Variants in GLB1L2 observed in about 807,000 individuals in gnomAD.
GLB1L2 encodes galactosidase beta 1 like 2.
In GLB1L2, 68 loss-of-function variants were observed where a neutral mutation model predicts 84.1. That is an observed-to-expected ratio of 0.81 (90% CI 0.67 to 0.99). GLB1L2 has a LOEUF of 0.99. Ranked by LOEUF, GLB1L2 falls within the 50% of genes least tolerant of loss-of-function variation. GLB1L2 has a pLI of 0.00. For synonymous variants in GLB1L2, 290 were observed against 318.0 expected, an observed-to-expected ratio of 0.91 and a Z score of 0.94; for missense variants, 762 against 805.6, an observed-to-expected ratio of 0.95 and a Z score of 0.66.
Position 134,347,198 on chromosome 11 carries a change from G to A in GLB1L2, c.450-127G>A, listed in dbSNP as rs537941378. 2.4e-5 allele frequency: 18 copies of A among 747,534 alleles called. No individual in the cohort carries two copies. The East Asian group carries it at 4.2e-4, about 18-fold the overall frequency. 46.3% of individuals were successfully genotyped at this position (747,534 alleles called of 1,614,324 possible). On this transcript the variant is annotated intron_variant, in intron 4 of 18. Coordinates refer to ENST00000535456, the MANE Select transcript of GLB1L2 (RefSeq NM_001370461.1). ...TGTCTCCCCACTTCTGGGCTCAGTG[G>A]GGTGGAGGAGGGCACAGGTCATTCT...
At chr11:134,362,339 T>C (rs1351174799) in intron 7 of GLB1L2, among the ~76,000 whole-genome samples, 2 of 110,450 alleles carry the variant, frequency 1.8e-5, no homozygotes, top group East Asian at 2.2e-4. Context: ...CTGCCCGCGT[T>C]CCTTCCCCGG....
chr11:134,350,182 C>T (rs552895984), intron 5 of GLB1L2, among the ~76,000 whole-genome samples: 2 of 152,318 alleles, frequency 1.3e-5, no homozygotes, highest in East Asian at 3.9e-4. Flanking sequence ...ATCCTAGCTC[C>T]AGGAGTTGCA....
At chr11:134,352,523 G>A (rs1377091888) in intron 5 of GLB1L2, among the ~76,000 whole-genome samples, 1 of 151,918 alleles carries the variant, frequency 6.6e-6, no homozygotes, top group Non-Finnish European at 1.5e-5. Flanking sequence ...AAGGTATAAA[G>A]TTAAGTTGTT....
Position 134,347,425 on chromosome 11 carries a change from C to A in GLB1L2, c.550C>A (p.Pro184Thr). The change falls in exon 5 of 19, where the codon CCA (proline) becomes ACA (threonine). Residue 184 changes from proline to threonine, a missense_variant. Around this residue, in one of 3 missense-constraint regions of GLB1L2, gnomAD observed 603 missense variants for 611.7 expected, o/e 0.99. Coordinates refer to ENST00000535456, the MANE Select transcript of GLB1L2 (RefSeq NM_001370461.1). ...YFDHLMSRVV[P>T]LQYKRGGPII... is the part of the protein sequence containing the mutation. Reference sequence around the variant, plus strand: ...TGACCACCTGATGTCCAGGGTGGTGCCACTCCAGGTACAAGCAAATGGGGT... The same window carrying A: ...TGACCACCTGATGTCCAGGGTGGTGACACTCCAGGTACAAGCAAATGGGGT... 1.2e-6 allele frequency: 2 copies of A among 1,607,530 alleles called. No individual in the cohort carries two copies. The highest frequency in any genetic ancestry group is 1.7e-6 in the Non-Finnish European group (2 of 1,174,006).
Position 134,369,905 on chromosome 11 carries a change from C to T in GLB1L2, c.1108+20C>T. On this transcript the variant is annotated intron_variant, in intron 11 of 18. Transcript: ENST00000535456. ...TCTCAGGTACCCAGCAGACAGCAGA[C>T]TCAAGTTCCAACTCAGGCCCTCGCT... is the stretch of plus-strand genomic sequence containing the variant. The T allele has an allele frequency of 6.2e-7, 1 of 1,606,880 alleles. No individual in the cohort carries two copies. The highest frequency in any genetic ancestry group is 8.5e-7 in the Non-Finnish European group (1 of 1,173,770).
At chr11:134,371,513 G>A (rs1265540549) in intron 14 of GLB1L2, 21 bp downstream of exon 14, 1 of 1,442,668 alleles carries the variant, frequency 6.9e-7, no homozygotes, top group Admixed American at 1.7e-5. Flanking sequence ...TTTGGGAGCT[G>A]GGTGATGGCT....
intron 1 of GLB1L2, among the ~76,000 whole-genome samples, chr11:134,341,421 G>A (rs1028375219): frequency 2.6e-5 from 4 of 152,102 alleles, no homozygotes; most frequent in Non-Finnish European, 4.4e-5. Context: ...ATTCACATCC[G>A]GATCTTCCTA....
chr11:134,332,400 C>T (rs1402179050), intron 1 of GLB1L2, among the ~76,000 whole-genome samples: 1 of 152,106 alleles, frequency 6.6e-6, no homozygotes, highest in African/African-American at 2.4e-5. Context: ...CCGAGCCGCC[C>T]ACCCCGCCGC....
chr11:134,374,565 C>G, intron 17 of GLB1L2, 37 bp from the exon 18 acceptor site: 1 of 1,516,774 alleles, frequency 6.6e-7, no homozygotes, highest in Non-Finnish European at 9.2e-7. Flanking sequence ...TGCTGTGGCT[C>G]TCGTGGTAGA....
rs765845886 is a variant in GLB1L2, at chr11:134,373,775, A to G, written c.1562A>G (p.Tyr521Cys). 6.2e-7 allele frequency: 1 copy of G among 1,612,450 alleles called. No homozygotes were observed. The highest frequency in any genetic ancestry group is 1.7e-5 in the Admixed American group (1 of 60,000). ...NDSPLKNFRIYSLDMKKSFFQ... is the reference protein window; with the variant it reads ...NDSPLKNFRICSLDMKKSFFQ... ...TCACCCCTGAAAAACTTCAGAATCT[A>G]TAGCCTGGATATGAAGAAGAGCTTC... is the stretch of plus-strand genomic sequence containing the variant. Residue 521 changes from tyrosine (Y) to cysteine (C), a missense_variant, in exon 16 of 19, where the codon TAT becomes TGT. By Grantham distance (194) the Tyr-to-Cys change is radical. Coordinates refer to ENST00000535456, the MANE Select transcript of GLB1L2 (RefSeq NM_001370461.1).
intron 4 of GLB1L2, chr11:134,347,116 TTGG>T (rs1943561970): frequency 1.8e-6 from 1 of 543,804 alleles, no homozygotes; most frequent in African/African-American, 1.9e-5. Flanking sequence ...GGCTGTGTCC[TTGG>T]GGAGGGAAGC....
chr11:134,368,570 G>T, intron 9 of GLB1L2, 74 bp from the exon 10 acceptor site: 9 of 1,509,682 alleles, frequency 6.0e-6, no homozygotes, highest in African/African-American at 1.4e-5. Flanking sequence ...GGAAAGAGGA[G>T]AGTAGTGAAG....
chr11:134,372,040 G>T (rs1011858405), intron 15 of GLB1L2, among the ~76,000 whole-genome samples: 1 of 152,170 alleles, frequency 6.6e-6, no homozygotes, highest in African/African-American at 2.4e-5. Flanking sequence ...CGCGTGCATC[G>T]TCTGCGTGCT....
Position 134,370,503 on chromosome 11 carries a change from C to T in GLB1L2, c.1215+104C>T, listed in dbSNP as rs1211972108. On this transcript the variant is annotated intron_variant, in intron 12 of 18. Transcript: ENST00000535456. The surrounding 1 kb of genome is among the most constrained non-coding windows in gnomAD (Gnocchi z 4.7). ...GTCGTCGGCGGGAGGTGAGAGTCGTCGGGGCAGCAGGGCCTGGAGCCCCTC... is the reference window on the plus strand; with the variant it reads ...GTCGTCGGCGGGAGGTGAGAGTCGTTGGGGCAGCAGGGCCTGGAGCCCCTC... 38 of 869,040 alleles carry T rather than the reference C, an allele frequency of 4.4e-5. 1 individual carries two copies. The highest frequency in any genetic ancestry group is 3.6e-4 in the South Asian group (25 of 69,486). 53.8% of individuals were successfully genotyped at this position (869,040 alleles called of 1,614,324 possible).
intron 2 of GLB1L2, among the ~76,000 whole-genome samples, chr11:134,343,982 G>A (rs950340855): frequency 5.3e-5 from 8 of 152,212 alleles, no homozygotes; most frequent in African/African-American, 1.4e-4. Context: ...CCTGTCTTTC[G>A]AGTTGGAAGC....
At chr11:134,361,805 T>C (rs1270890507) in intron 7 of GLB1L2, among the ~76,000 whole-genome samples, 1 of 152,106 alleles carries the variant, frequency 6.6e-6, no homozygotes, top group African/African-American at 2.4e-5. Flanking sequence ...TTCCTGGAGT[T>C]CCAGGAAACA....
intron 6 of GLB1L2, 144 bp downstream of exon 6, chr11:134,356,537 T>C: frequency 6.5e-6 from 4 of 613,342 alleles, no homozygotes; most frequent in South Asian, 6.5e-5. Flanking sequence ...TGTTGTTTTA[T>C]TTCAACAGGG....
intron 10 of GLB1L2, 101 bp downstream of exon 10, chr11:134,368,882 G>A (rs1481369855): frequency 2.4e-6 from 3 of 1,263,204 alleles, no homozygotes; most frequent in Admixed American, 2.1e-5. Context: ...GCACCTTCGT[G>A]TCTTTGGCAA....
intron 7 of GLB1L2, chr11:134,359,404 T>C (rs986243876): frequency 2.1e-5 from 7 of 333,974 alleles, no homozygotes; most frequent in East Asian, 1.9e-4. Flanking sequence ...AGATGACTGC[T>C]TCACGTGCGG....
Sources: gnomAD v4.1 joint callset for allele counts (sites outside exome capture counted in the v4.1 genomes callset) on GRCh38, gnomAD v4.1.1 for gene constraint, gnomAD v4.1.1 regional missense constraint, Gnocchi (gnomAD v3.1) non-coding constraint, MANE v1.5 for transcripts, NCBI Gene and HGNC (gene_info 2026-07-23, HGNC 2026-07-21) for gene names.